The following ATP2B2 variants were observed in gnomAD, a reference collection of about 807,000 sequenced individuals.
ATP2B2 encodes plasma membrane calcium-transporting ATPase 2.
In ATP2B2, 15 loss-of-function variants were observed where a neutral mutation model predicts 120.0. That is an observed-to-expected ratio of 0.12 (90% CI 0.08 to 0.19). The LOEUF (loss-of-function observed/expected upper bound fraction) is 0.19, where lower values mean the gene tolerates loss of function less well. Among genes scored for constraint, ATP2B2 ranks in the 10% least tolerant of loss-of-function variants. The pLI is 1.00. For missense variants in ATP2B2, 1,045 were observed against 1,719.8 expected (o/e 0.61, Z 6.94); for synonymous variants, 694 against 700.3 (o/e 0.99, Z 0.14).
intron 1 of ATP2B2, among the ~76,000 whole-genome samples, chr3:10,464,493 T>G (rs778480916): frequency 9.2e-4 from 140 of 151,988 alleles, no homozygotes; most frequent in Non-Finnish European, 1.3e-3. Context: ...ACAGCAGCCC[T>G]AGCTCCACAC....
chr3:10,447,623 G>T (rs536384541), intron 2 of ATP2B2, among the ~76,000 whole-genome samples: 1 of 152,300 alleles, frequency 6.6e-6, no homozygotes, highest in South Asian at 2.1e-4. Context: ...ACAGGCAAAG[G>T]CCACTTGAAC....
chr3:10,682,976 T>A (rs1280974552), intron 1 of ATP2B2, among the ~76,000 whole-genome samples: 1 of 152,200 alleles, frequency 6.6e-6, no homozygotes, highest in African/African-American at 2.4e-5. Context: ...GTGCCCATGT[T>A]AGCCCTCTGT....
chr3:10,688,577 C>G (rs1447538676), intron 1 of ATP2B2, among the ~76,000 whole-genome samples: 1 of 152,186 alleles, frequency 6.6e-6, no homozygotes, highest in Non-Finnish European at 1.5e-5. Context: ...CCAAATGACC[C>G]AGGTCCCCCA....
intron 2 of ATP2B2, among the ~76,000 whole-genome samples, chr3:10,559,216 T>A (rs955334091): frequency 2.0e-5 from 3 of 152,028 alleles, no homozygotes; most frequent in Non-Finnish European, 4.4e-5. Context: ...CTCGTGGAAG[T>A]AGAGAGTAAA....
rs1374594679 is a variant in ATP2B2, at chr3:10,642,817, G to A, written c.-459-22856C>T. Among the ~76,000 whole-genome samples, 3 of 152,130 alleles carry A rather than the reference G, an allele frequency of 2.0e-5. No homozygotes were observed. In the East Asian group the frequency reaches 5.8e-4, roughly 29 times the overall value. On this transcript the variant is annotated intron_variant, in intron 1 of 21. Transcript: ENST00000646379. ...CTAAGCCCCACAATAGGGTAGGGAAGTAGCTCTGGCCCCCCAGCCCTGAGC... is the reference window on the plus strand; with the variant it reads ...CTAAGCCCCACAATAGGGTAGGGAAATAGCTCTGGCCCCCCAGCCCTGAGC...
intron 2 of ATP2B2, among the ~76,000 whole-genome samples, chr3:10,539,604 C>G (rs1390345164): frequency 6.6e-6 from 1 of 152,156 alleles, no homozygotes; most frequent in Non-Finnish European, 1.5e-5. Context: ...CTGACAACAA[C>G]AAGAAATGGG....
chr3:10,509,877 G>A (rs888512005), upstream of ATP2B2, among the ~76,000 whole-genome samples: 3 of 152,310 alleles, frequency 2.0e-5, no homozygotes, highest in Non-Finnish European at 2.9e-5. Flanking sequence ...GTGTGACCTT[G>A]GGCAAGTGAC....
At chr3:10,656,545 C>A (rs908563598) in intron 1 of ATP2B2, among the ~76,000 whole-genome samples, 1 of 152,214 alleles carries the variant, frequency 6.6e-6, no homozygotes, top group African/African-American at 2.4e-5. Context: ...AACCTCTGGG[C>A]CTTCCGCACA....
In ATP2B2 at chr3:10,646,773, C is replaced by T. The variant is rs189204432; in HGVS notation, c.-459-26812G>A. Among the ~76,000 whole-genome samples the T allele has an allele frequency of 3.0e-3, 452 of 152,258 alleles. 5 individuals are homozygous for T. Among genetic ancestry groups the T allele is most frequent in the African/African-American group, 0.01 (433 of 41,546 alleles). On this transcript the variant is annotated intron_variant, in intron 1 of 21. Transcript: ENST00000646379. ...AAAAACCAACAACAAGCCCATCAAT[C>T]ATTGTGTGTTTATTGAGCATCTCCT...
At chr3:10,664,499 C>T (rs897060799) in intron 1 of ATP2B2, among the ~76,000 whole-genome samples, 2 of 152,174 alleles carry the variant, frequency 1.3e-5, no homozygotes, top group Non-Finnish European at 2.9e-5. Flanking sequence ...CAGTGTGTCA[C>T]TCGAAGGCAC....
intron 1 of ATP2B2, among the ~76,000 whole-genome samples, chr3:10,456,625 C>G (rs1282768802): frequency 6.6e-6 from 1 of 152,250 alleles, no homozygotes; most frequent in Non-Finnish European, 1.5e-5. Context: ...GCTCCCAGAC[C>G]AGCATGTACC....
chr3:10,521,028 G>A (rs1164731368), intron 3 of ATP2B2, among the ~76,000 whole-genome samples: 1 of 152,192 alleles, frequency 6.6e-6, no homozygotes, highest in African/African-American at 2.4e-5. Flanking sequence ...TTCTGAGGAG[G>A]GGGCTCCCAG....
At chr3:10,395,161 G>T (rs1390023254) in intron 5 of ATP2B2, among the ~76,000 whole-genome samples, 1 of 152,192 alleles carries the variant, frequency 6.6e-6, no homozygotes, top group Non-Finnish European at 1.5e-5. Context: ...TATAAGAGGG[G>T]TCACTGCTTT....
At chr3:10,408,193 A>G (rs9863514) in intron 3 of ATP2B2, among the ~76,000 whole-genome samples, 22,263 of 152,168 alleles carry the variant, frequency 0.15, 5,259 homozygotes, top group African/African-American at 0.5. Flanking sequence ...CCCGGACATA[A>G]AGTGCCACGT....
chr3:10,452,467 GC>G (rs2064095339), intron 1 of ATP2B2, among the ~76,000 whole-genome samples: 1 of 152,216 alleles, frequency 6.6e-6, no homozygotes, highest in Non-Finnish European at 1.5e-5. Flanking sequence ...TGGGGCGGGA[GC>G]TTTTACATTA....
intron 1 of ATP2B2, among the ~76,000 whole-genome samples, chr3:10,484,422 G>A (rs2065546436): frequency 6.6e-6 from 1 of 152,050 alleles, no homozygotes; most frequent in Admixed American, 6.5e-5. Context: ...AGGATCCTGG[G>A]GATGCCCTCA....
chr3:10,438,175 T>G (rs761295648), intron 2 of ATP2B2, among the ~76,000 whole-genome samples: 2 of 152,186 alleles, frequency 1.3e-5, no homozygotes, highest in Non-Finnish European at 2.9e-5. Flanking sequence ...CTGGGATTAC[T>G]GAATCAGATG....
chr3:10,388,158 C>T (rs369427315), intron 6 of ATP2B2, 119 bp downstream of exon 6: 4 of 1,490,834 alleles, frequency 2.7e-6, no homozygotes, highest in Admixed American at 1.7e-5. Flanking sequence ...AGGTGGCTGT[C>T]AGCACAGGGT....
At chr3:10,365,449 G>A (rs956413394) in intron 12 of ATP2B2, among the ~76,000 whole-genome samples, 1 of 152,216 alleles carries the variant, frequency 6.6e-6, no homozygotes, top group African/African-American at 2.4e-5. Flanking sequence ...CAGGGCCAGT[G>A]AGCCCTGGGG....
Sources: gnomAD v4.1 joint callset for allele counts (sites outside exome capture counted in the v4.1 genomes callset) on GRCh38, gnomAD v4.1.1 for gene constraint, MANE v1.5 for transcripts, NCBI Gene and HGNC (gene_info 2026-07-23, HGNC 2026-07-21) for gene names.